The following CRB1 variants were observed in gnomAD, a reference collection of about 807,000 sequenced individuals.
The protein encoded by CRB1 is protein crumbs homolog 1.
Under a neutral mutation model 120.0 loss-of-function variants are expected in CRB1, and 83 were observed. The observed-to-expected ratio is 0.69, with a 90% CI of 0.58 to 0.83. The LOEUF (loss-of-function observed/expected upper bound fraction) is 0.83, where lower values mean the gene tolerates loss of function less well. Among genes scored for constraint, CRB1 ranks in the 40% least tolerant of loss-of-function variants. CRB1 has a pLI of 0.00. For missense variants in CRB1, 1,699 were observed against 1,687.6 expected (o/e 1.01, Z -0.12); for synonymous variants, 625 against 612.5 (o/e 1.02, Z -0.30).
intron 1 of CRB1, among the ~76,000 whole-genome samples, chr1:197,314,502 C>CT (rs1405611192): frequency 6.6e-6 from 1 of 151,920 alleles, no homozygotes; most frequent in African/African-American, 2.4e-5. Context: ...AATATTTATA[C>CT]TTTTTTCTTG....
At chr1:197,326,041 T>A (rs1658474851) in intron 1 of CRB1, among the ~76,000 whole-genome samples, 1 of 152,146 alleles carries the variant, frequency 6.6e-6, no homozygotes, top group Non-Finnish European at 1.5e-5. Flanking sequence ...TAAGAGGATA[T>A]TTAAATAGAA....
the CRB1 span, among the ~76,000 whole-genome samples, chr1:197,210,484 A>G: frequency 6.6e-6 from 1 of 152,082 alleles, no homozygotes; most frequent in Non-Finnish European, 1.5e-5. Context: ...CAGTCTCAAG[A>G]CTGAAACATC....
intron 4 of CRB1, among the ~76,000 whole-genome samples, chr1:197,353,825 A>C (rs527826343): frequency 2.6e-5 from 4 of 151,106 alleles, no homozygotes; most frequent in South Asian, 2.1e-4. Flanking sequence ...AAAAAAAAAA[A>C]AAAAAAAAAA....
At chr1:197,463,695 T>A (rs1247065085) in intron 11 of CRB1, among the ~76,000 whole-genome samples, 1 of 152,294 alleles carries the variant, frequency 6.6e-6, no homozygotes, top group Non-Finnish European at 1.5e-5. Context: ...TATCATTAGA[T>A]TGTGGTGAAA....
the CRB1 span, among the ~76,000 whole-genome samples, chr1:197,209,344 T>C: frequency 6.6e-6 from 1 of 152,208 alleles, no homozygotes; most frequent in South Asian, 2.1e-4. Flanking sequence ...TGTTTTGTTT[T>C]GTTTTGTTTT....
At chr1:197,358,923 T>A (rs1660628945) in intron 5 of CRB1, among the ~76,000 whole-genome samples, 1 of 152,208 alleles carries the variant, frequency 6.6e-6, no homozygotes, top group Non-Finnish European at 1.5e-5. Context: ...ACACAATAGC[T>A]AGAACTGGTA....
intron 5 of CRB1, among the ~76,000 whole-genome samples, chr1:197,378,612 G>A (rs1271012902): frequency 6.6e-6 from 1 of 152,082 alleles, no homozygotes; most frequent in Non-Finnish European, 1.5e-5. Context: ...CTCCTCTCAT[G>A]GTAGTCTGAC....
At chr1:197,312,226 AATC>A (rs2125274565) in intron 1 of CRB1, among the ~76,000 whole-genome samples, 1 of 152,324 alleles carries the variant, frequency 6.6e-6, no homozygotes, top group East Asian at 1.9e-4. Flanking sequence ...AAACAAAAGA[AATC>A]ATAGAAACTG....
the CRB1 span, among the ~76,000 whole-genome samples, chr1:197,208,074 T>A: frequency 1.3e-5 from 2 of 151,660 alleles, no homozygotes; most frequent in Non-Finnish European, 3.0e-5. Context: ...AAGTTGTGAT[T>A]TTTTTTTAAT....
chr1:197,264,613 CT>C (rs750805262), upstream of CRB1, among the ~76,000 whole-genome samples: 259 of 131,010 alleles, frequency 2.0e-3, no homozygotes, highest in East Asian at 4.4e-3. Flanking sequence ...GTGCATTCTT[CT>C]TTTTTTTTTT....
intron 11 of CRB1, among the ~76,000 whole-genome samples, chr1:197,448,073 G>GT (rs577632258): frequency 5.6e-4 from 84 of 150,218 alleles, no homozygotes; most frequent in East Asian, 1.4e-3. Context: ...TTTGTGTCCT[G>GT]TTTTTTTTTC....
the CRB1 span, among the ~76,000 whole-genome samples, chr1:197,234,387 G>T: frequency 1.3e-5 from 2 of 152,196 alleles, no homozygotes; most frequent in Non-Finnish European, 1.5e-5. Flanking sequence ...CACTGGAACA[G>T]CCCATGTAGT....
the CRB1 span, among the ~76,000 whole-genome samples, chr1:197,214,861 C>G: frequency 1.3e-5 from 2 of 151,402 alleles, no homozygotes; most frequent in Admixed American, 6.6e-5. Flanking sequence ...CAAAGCCAGA[C>G]CAGGATACTG....
chr1:197,223,346 A>T, the CRB1 span: 1 of 541,298 alleles, frequency 1.8e-6, no homozygotes, highest in Non-Finnish European at 3.3e-6. Flanking sequence ...TAGATAGCAT[A>T]CTTTAAATTT....
At chr1:197,263,078 G>A in the CRB1 span, among the ~76,000 whole-genome samples, 3 of 152,118 alleles carry the variant, frequency 2.0e-5, no homozygotes, top group Non-Finnish European at 4.4e-5. Context: ...TGGTATTTCT[G>A]TTTTAAGTTC....
chr1:197,447,500 G>A (rs1665755572), intron 11 of CRB1: 1 of 152,176 alleles, frequency 6.6e-6, no homozygotes, highest in Non-Finnish European at 1.5e-5. Flanking sequence ...GGGCACACAA[G>A]GTGTAAACAC....
At chr1:197,313,868 C>G (rs560597972) in intron 1 of CRB1, among the ~76,000 whole-genome samples, 1 of 152,284 alleles carries the variant, frequency 6.6e-6, no homozygotes, top group African/African-American at 2.4e-5. Context: ...CTATTGTGAA[C>G]AGTGCTTCAA....
intron 10 of CRB1, chr1:197,440,311 A>G (rs1460813036): frequency 6.6e-6 from 1 of 152,164 alleles, no homozygotes; most frequent in African/African-American, 2.4e-5. Context: ...TCTGATATTT[A>G]TTAGTTTACA....
chr1:197,209,472 A>C, the CRB1 span, among the ~76,000 whole-genome samples: 82 of 152,178 alleles, frequency 5.4e-4, no homozygotes, highest in African/African-American at 1.9e-3. Context: ...TAGCCTCCTG[A>C]GTAGCTGGGA....
Sources: allele counts gnomAD v4.1 joint callset (sites outside exome capture counted in the v4.1 genomes callset), GRCh38; gene constraint gnomAD v4.1.1; transcripts MANE v1.5; gene names NCBI Gene and HGNC (gene_info 2026-07-23, HGNC 2026-07-21).